MRPL22: variants seen among roughly 807,000 people sequenced by gnomAD.
MRPL22 encodes the protein large ribosomal subunit protein uL22m.
MRPL22 carries 27 observed loss-of-function variants against 32.4 expected under a neutral mutation model. That is an observed-to-expected ratio of 0.83 (90% confidence interval 0.61 to 1.15). The LOEUF is 1.15. MRPL22 is among the 50% of genes most tolerant of loss of function. The probability of loss-of-function intolerance (pLI) is 0.00; values close to 1 mark genes in which losing one functional copy is unlikely to be tolerated. For missense variants in MRPL22, 239 were observed against 260.2 expected, an observed-to-expected ratio of 0.92 and a Z score of 0.56; for synonymous variants, 86 against 87.3, an observed-to-expected ratio of 0.99 and a Z score of 0.08.
At chr5:154,941,895 A>T (rs555561674) in intron 2 of MRPL22, among the ~76,000 whole-genome samples, 10 of 152,216 alleles carry the variant, frequency 6.6e-5, no homozygotes, top group Non-Finnish European at 1.5e-4. Flanking sequence ...GTATTTGAAA[A>T]TTGATAATCT....
At chr5:154,941,322 A>G (rs949012645) in intron 2 of MRPL22, 57 bp downstream of exon 2, 4 of 1,606,402 alleles carry the variant, frequency 2.5e-6, no homozygotes, top group African/African-American at 2.7e-5. Flanking sequence ...GTATTCTGCC[A>G]GTTGGTAACT....
chr5:154,943,248 T>G (rs928156809), intron 2 of MRPL22, among the ~76,000 whole-genome samples: 1 of 151,730 alleles, frequency 6.6e-6, no homozygotes, highest in Non-Finnish European at 1.5e-5. Context: ...CCACCTCAGC[T>G]TCCTAAGTAG....
intron 3 of MRPL22, among the ~76,000 whole-genome samples, chr5:154,954,645 G>T (rs1764608710): frequency 6.6e-6 from 1 of 151,978 alleles, no homozygotes; most frequent in African/African-American, 2.4e-5. Context: ...ATTAACTTTT[G>T]CCTTTCTTGT....
At chr5:154,952,787 T>C (rs139890147) in intron 3 of MRPL22, among the ~76,000 whole-genome samples, 258 of 152,318 alleles carry the variant, frequency 1.7e-3, no homozygotes, top group African/African-American at 5.7e-3. Flanking sequence ...CTGCAGCCAT[T>C]ATTAAAATTA....
At chr5:154,960,540 G>A (rs1248699837) in intron 6 of MRPL22, among the ~76,000 whole-genome samples, 1 of 152,190 alleles carries the variant, frequency 6.6e-6, no homozygotes, top group Non-Finnish European at 1.5e-5. Context: ...AAGGGGCCTT[G>A]GAAGGCTCAG....
intron 6 of MRPL22, among the ~76,000 whole-genome samples, chr5:154,963,900 C>G (rs964708611): frequency 1.3e-5 from 2 of 151,976 alleles, no homozygotes; most frequent in African/African-American, 2.4e-5. Flanking sequence ...AGGAGAAGAG[C>G]AGATTTTTAA....
chr5:154,966,037 A>T (rs1764762281), intron 6 of MRPL22, among the ~76,000 whole-genome samples: 2 of 152,176 alleles, frequency 1.3e-5, no homozygotes, highest in Non-Finnish European at 2.9e-5. Context: ...TTCTCATCAC[A>T]ATTAGAATAA....
chr5:154,944,471 A>G (rs1271074582), intron 2 of MRPL22, among the ~76,000 whole-genome samples: 5 of 152,080 alleles, frequency 3.3e-5, no homozygotes, highest in Admixed American at 3.3e-4. Context: ...TGGCATAGTT[A>G]TTTACACTCA....
rs1393904177 is a variant in MRPL22, at chr5:154,968,435, C to G, written c.*1538C>G. On this transcript the variant is annotated 3_prime_UTR_variant, in exon 7 of 7. Transcript: ENST00000523037. The stretch of plus-strand genomic sequence containing the variant: ...AGAAAGAAGACTGGATAGGTCTCTT[C>G]CCTTGCTGGCCTCCATTTCATTCAT... 1 of 152,214 alleles carries G rather than the reference C, an allele frequency of 6.6e-6. No homozygotes were observed. The allele number at this position is 152,214 out of a possible 1,614,324, so 9.4% of individuals were successfully genotyped here. A position where few individuals can be genotyped will look rare whatever the true frequency, so the allele number is the denominator to read the frequency against.
At chr5:154,957,020 G>T in intron 4 of MRPL22, 115 bp from the exon 5 acceptor site, 4 of 890,436 alleles carry the variant, frequency 4.5e-6, no homozygotes, top group South Asian at 1.8e-5. Flanking sequence ...CTTTTATTTG[G>T]GTTCAATTCA....
intron 6 of MRPL22, among the ~76,000 whole-genome samples, chr5:154,966,464 G>A (rs1344771917): frequency 6.6e-6 from 1 of 152,128 alleles, no homozygotes; most frequent in Non-Finnish European, 1.5e-5. Context: ...TTGGAGGCAG[G>A]GGCCTTGCCA....
intron 6 of MRPL22, among the ~76,000 whole-genome samples, chr5:154,964,774 G>A (rs1387672332): frequency 1.3e-5 from 2 of 152,158 alleles, no homozygotes; most frequent in African/African-American, 2.4e-5. Context: ...GACGTAGACC[G>A]TGATGGGGTT....
chr5:154,953,309 C>T lies in MRPL22; in HGVS notation c.195+2371C>T, dbSNP rs556134424. Among the ~76,000 whole-genome samples the T allele has an allele frequency of 1.6e-4, 22 of 136,582 alleles. No homozygotes were observed. In the South Asian group the frequency reaches 1.6e-3, roughly 10 times the overall value. 89.6% of individuals were successfully genotyped at this position (136,582 alleles called of 152,430 possible). A position where few individuals can be genotyped will look rare whatever the true frequency, so the allele number is the denominator to read the frequency against. Reference sequence around the variant, plus strand: ...GGCAGAGGTTGCAGTGAGCTGAGATCGCACCACTGCACTACTTCAGCCTGG... The same window carrying T: ...GGCAGAGGTTGCAGTGAGCTGAGATTGCACCACTGCACTACTTCAGCCTGG... On this transcript the variant is annotated intron_variant, in intron 3 of 6. Coordinates refer to ENST00000523037, the MANE Select transcript of MRPL22 (RefSeq NM_014180.4).
chr5:154,956,505 C>T (rs1322787576), intron 4 of MRPL22, 69 bp downstream of exon 4: 18 of 994,894 alleles, frequency 1.8e-5, no homozygotes, highest in East Asian at 1.7e-4. Flanking sequence ...CCCTCCCCAC[C>T]CCTCACCCCA....
chr5:154,966,703 C>G lies in MRPL22; in HGVS notation c.427C>G (p.Arg143Gly), dbSNP rs188384560. ...NLYIAESTSG[R>G]GQCLKRIRYH... Reference sequence around the variant, plus strand: ...CTGTTTAGCTGAGTCCACCTCAGGACGAGGCCAGTGCCTGAAACGCATCCG... The same window carrying G: ...CTGTTTAGCTGAGTCCACCTCAGGAGGAGGCCAGTGCCTGAAACGCATCCG... Residue 143 changes from arginine to glycine, a missense_variant, in exon 7 of 7, where the codon CGA becomes GGA. Transcript: ENST00000523037. 1.2e-4 allele frequency: 194 copies of G among 1,613,938 alleles called. 1 individual carries two copies. In the East Asian group the frequency reaches 3.9e-3, roughly 32 times the overall value.
chr5:154,941,351 C>G, intron 2 of MRPL22, 86 bp downstream of exon 2: 1 of 1,546,472 alleles, frequency 6.5e-7, no homozygotes, highest in Non-Finnish European at 8.8e-7. Flanking sequence ...CCGTGCCTAA[C>G]TGTGTTTTAG....
chr5:154,955,210 T>C (rs1007681279), intron 3 of MRPL22: 20 of 152,196 alleles, frequency 1.3e-4, no homozygotes, highest in Admixed American at 1.2e-3. Flanking sequence ...TTGCTGAAAA[T>C]GTAATTAGGC....
intron 6 of MRPL22, among the ~76,000 whole-genome samples, chr5:154,964,042 C>G (rs959521021): frequency 5.9e-5 from 9 of 152,148 alleles, no homozygotes; most frequent in African/African-American, 2.2e-4. Context: ...TAGATTGGGC[C>G]TATATTCCAG....
chr5:154,952,714 G>A (rs1411372706), intron 3 of MRPL22, among the ~76,000 whole-genome samples: 1 of 152,064 alleles, frequency 6.6e-6, no homozygotes, highest in Non-Finnish European at 1.5e-5. Flanking sequence ...TTATTCACTG[G>A]CCATATAGTT....
Sources: gnomAD v4.1 joint callset for allele counts (sites outside exome capture counted in the v4.1 genomes callset) on GRCh38, gnomAD v4.1.1 for gene constraint, MANE v1.5 for transcripts, NCBI Gene and HGNC (gene_info 2026-07-23, HGNC 2026-07-21) for gene names.